The following FOXN3 variants were observed in gnomAD, a reference collection of about 807,000 sequenced individuals.
FOXN3 encodes forkhead box N3, also known as forkhead box protein N3.
In FOXN3, 7 loss-of-function variants were observed where a neutral mutation model predicts 38.4. The observed-to-expected ratio is 0.18, with a 90% CI of 0.10 to 0.34. The LOEUF (loss-of-function observed/expected upper bound fraction) is 0.34. Ranked by LOEUF, FOXN3 falls within the 10% of genes least tolerant of loss-of-function variation. The pLI is 1.00. For synonymous variants in FOXN3, 230 were observed against 242.2 expected (o/e 0.95, Z 0.47); for missense variants, 456 against 613.4 (o/e 0.74, Z 2.71).
intron 2 of FOXN3, among the ~76,000 whole-genome samples, chr14:89,401,181 C>T (rs1015960599): frequency 3.9e-5 from 6 of 152,168 alleles, no homozygotes; most frequent in Admixed American, 2.6e-4. Context: ...ATGGCTCATG[C>T]CTGTAATCCC....
chr14:89,617,683 T>C (rs139065168), intron 1 of FOXN3, among the ~76,000 whole-genome samples: 1 of 152,232 alleles, frequency 6.6e-6, no homozygotes, highest in African/African-American at 2.4e-5. Flanking sequence ...TGTAAGCTAG[T>C]AGCTGACGTC....
intron 1 of FOXN3, among the ~76,000 whole-genome samples, chr14:89,568,726 C>A (rs1391809923): frequency 1.3e-5 from 2 of 152,182 alleles, no homozygotes; most frequent in Non-Finnish European, 2.9e-5. Context: ...CAACAACTAG[C>A]ATAATGTTTG....
chr14:89,581,357 C>T (rs915656527), intron 1 of FOXN3, among the ~76,000 whole-genome samples: 3 of 151,924 alleles, frequency 2.0e-5, no homozygotes, highest in Admixed American at 6.6e-5. Context: ...TGGTGTGTGC[C>T]GGTAATCTCA....
chr14:89,452,923 G>A (rs904557932), intron 1 of FOXN3, among the ~76,000 whole-genome samples: 3 of 152,198 alleles, frequency 2.0e-5, no homozygotes, highest in Admixed American at 6.5e-5. Flanking sequence ...TAAAGGCCGG[G>A]CACGGCAGCT....
intron 3 of FOXN3, among the ~76,000 whole-genome samples, chr14:89,341,333 T>C (rs1033266610): frequency 6.6e-6 from 1 of 152,172 alleles, no homozygotes; most frequent in African/African-American, 2.4e-5. Flanking sequence ...AAATCTGTCC[T>C]CTCTGATGGT....
At chr14:89,204,199 C>T (rs1273304076) in intron 4 of FOXN3, among the ~76,000 whole-genome samples, 1 of 152,150 alleles carries the variant, frequency 6.6e-6, no homozygotes, top group Non-Finnish European at 1.5e-5. Flanking sequence ...CATGAAAGCA[C>T]ATTTCCCAGT....
chr14:89,289,194 AAAAG>A (rs376013174), intron 3 of FOXN3, among the ~76,000 whole-genome samples: 63 of 26,018 alleles, frequency 2.4e-3, no homozygotes, highest in African/African-American at 4.3e-3. Flanking sequence ...AAAAAAAAAA[AAAAG>A]AAAAGAAAAA....
At chr14:89,288,150 A>G (rs1886693918) in intron 3 of FOXN3, among the ~76,000 whole-genome samples, 1 of 152,230 alleles carries the variant, frequency 6.6e-6, no homozygotes, top group South Asian at 2.1e-4. Flanking sequence ...GAGACCAGGT[A>G]GAAACCTACC....
intron 1 of FOXN3, among the ~76,000 whole-genome samples, chr14:89,516,270 G>A (rs117681529): frequency 6.6e-6 from 1 of 152,104 alleles, no homozygotes; most frequent in African/African-American, 2.4e-5. Flanking sequence ...TCTGGCTAAA[G>A]TTTCTCCTCT....
At chr14:89,429,808 G>A (rs992111975) in intron 1 of FOXN3, among the ~76,000 whole-genome samples, 1 of 152,138 alleles carries the variant, frequency 6.6e-6, no homozygotes, top group African/African-American at 2.4e-5. Flanking sequence ...ATTCATGCTG[G>A]CTATAAATTA....
At chr14:89,413,951 AGGAGGAGGAGGGAT>A in intron 1 of FOXN3, among the ~76,000 whole-genome samples, 1 of 86,264 alleles carries the variant, frequency 1.2e-5, no homozygotes, top group South Asian at 5.0e-4. Flanking sequence ...GAGAAGGGGG[AGGAGGAGGAGGGAT>A]GGAGGAGGAG....
intron 1 of FOXN3, among the ~76,000 whole-genome samples, chr14:89,547,276 A>G (rs1436262594): frequency 3.3e-5 from 5 of 150,622 alleles, no homozygotes; most frequent in Non-Finnish European, 7.4e-5. Context: ...TATTTTTGAG[A>G]CATAGTTTTG....
chr14:89,305,841 G>A (rs745634264), intron 3 of FOXN3, among the ~76,000 whole-genome samples: 4 of 152,140 alleles, frequency 2.6e-5, no homozygotes, highest in Non-Finnish European at 5.9e-5. Flanking sequence ...AAACAATTTA[G>A]GAAAACTGAA....
At chr14:89,291,115 T>C (rs910541246) in intron 3 of FOXN3, 56 of 514,656 alleles carry the variant, frequency 1.1e-4, no homozygotes, top group African/African-American at 1.0e-3. Flanking sequence ...ACCCTGTTAG[T>C]GTAAAAGGTG....
At chr14:89,557,984 C>T (rs113437438) in intron 1 of FOXN3, among the ~76,000 whole-genome samples, 29,899 of 151,902 alleles carry the variant, frequency 0.2, 7,417 homozygotes, top group African/African-American at 0.58. Context: ...CCAGCCTAGG[C>T]GACAGGGCAA....
chr14:89,224,322 A>C (rs1824031742), intron 4 of FOXN3, among the ~76,000 whole-genome samples: 1 of 152,248 alleles, frequency 6.6e-6, no homozygotes. Context: ...AACATTAATA[A>C]AAGGCCTCCT....
At chr14:89,177,001 CTT>C (rs766850487) in intron 5 of FOXN3, among the ~76,000 whole-genome samples, 67 of 133,642 alleles carry the variant, frequency 5.0e-4, no homozygotes, top group Non-Finnish European at 4.1e-4. Context: ...CTCTCTCTCT[CTT>C]TCTTTCTTTT....
At chr14:89,329,187 TG>T (rs34285834) in intron 3 of FOXN3, among the ~76,000 whole-genome samples, 1 of 152,194 alleles carries the variant, frequency 6.6e-6, no homozygotes, top group Admixed American at 6.5e-5. Flanking sequence ...GCCTAGTACA[TG>T]GGTAACAGAT....
At chr14:89,600,005 C>T (rs973543131) in intron 1 of FOXN3, among the ~76,000 whole-genome samples, 15 of 152,228 alleles carry the variant, frequency 9.9e-5, no homozygotes, top group Non-Finnish European at 1.9e-4. Context: ...TTTTCTACCA[C>T]TTCTTACTCA....
Sources: allele counts gnomAD v4.1 joint callset (sites outside exome capture counted in the v4.1 genomes callset), GRCh38; gene constraint gnomAD v4.1.1; transcripts MANE v1.5; gene names NCBI Gene and HGNC (gene_info 2026-07-23, HGNC 2026-07-21).